GRM5: variants seen among roughly 807,000 people sequenced by gnomAD.
The protein encoded by GRM5 is metabotropic glutamate receptor 5.
A neutral mutation model predicts 83.1 loss-of-function variants in GRM5; 19 were observed. That is an observed-to-expected ratio of 0.23 (90% confidence interval 0.16 to 0.34). GRM5 has a LOEUF of 0.34. Among genes scored for constraint, GRM5 ranks in the 10% least tolerant of loss-of-function variants. The probability of loss-of-function intolerance (pLI) is 1.00; values close to 1 mark genes in which losing one functional copy is unlikely to be tolerated. For synonymous variants in GRM5, 675 were observed against 633.6 expected (o/e 1.07, Z -0.98); for missense variants, 1,160 against 1,588.3 (o/e 0.73, Z 4.58).
At chr11:89,046,838 C>T (rs752080010) in intron 2 of GRM5, among the ~76,000 whole-genome samples, 1 of 151,840 alleles carries the variant, frequency 6.6e-6, no homozygotes, top group Non-Finnish European at 1.5e-5. Context: ...ACAATAGGCA[C>T]CTAGAACAAT....
At chr11:88,679,330 AAC>A (rs139025158) in intron 3 of GRM5, among the ~76,000 whole-genome samples, 3,900 of 152,262 alleles carry the variant, frequency 0.026, 205 homozygotes, top group Admixed American at 0.14. Flanking sequence ...TAAGAAAAAG[AAC>A]ACAGAGAATA....
In GRM5 at chr11:88,900,114, G is replaced by A. The variant is rs187995731; in HGVS notation, c.662-49959C>T. ...GTACCCAGGTGGCATAAAAAATGAAGCAGAGACAGAAAATTAGATGTAGCT... is the reference window on the plus strand; with the variant it reads ...GTACCCAGGTGGCATAAAAAATGAAACAGAGACAGAAAATTAGATGTAGCT... On this transcript the variant is annotated intron_variant, in intron 2 of 9. Coordinates refer to ENST00000305447, the MANE Select transcript of GRM5 (RefSeq NM_001143831.3). Among the ~76,000 whole-genome samples the A allele has an allele frequency of 1.3e-3, 196 of 152,216 alleles. 4 individuals carry two copies. The East Asian group carries it at 0.031, about 24-fold the overall frequency.
intron 8 of GRM5, among the ~76,000 whole-genome samples, chr11:88,537,831 A>C (rs1185192762): frequency 6.6e-6 from 1 of 152,214 alleles, no homozygotes; most frequent in Non-Finnish European, 1.5e-5. Context: ...ACTGAGCATG[A>C]TTAATAGCTC....
chr11:88,969,875 T>A (rs1273021597), intron 2 of GRM5, among the ~76,000 whole-genome samples: 3 of 152,156 alleles, frequency 2.0e-5, no homozygotes, highest in South Asian at 2.1e-4. Context: ...TATAGTCATA[T>A]CAAGAAACTT....
intron 3 of GRM5, among the ~76,000 whole-genome samples, chr11:88,731,234 A>G (rs1229356326): frequency 2.0e-5 from 3 of 151,956 alleles, no homozygotes; most frequent in African/African-American, 7.2e-5. Context: ...TTCATAATTC[A>G]CCACTTCTAC....
At chr11:88,698,230 G>A (rs556715427) in intron 3 of GRM5, among the ~76,000 whole-genome samples, 157 of 152,182 alleles carry the variant, frequency 1.0e-3, no homozygotes, top group African/African-American at 2.9e-3. Context: ...CTATATGGTC[G>A]GGCCCTGCTT....
chr11:88,790,343 C>T (rs1234624623), intron 3 of GRM5, among the ~76,000 whole-genome samples: 7 of 152,136 alleles, frequency 4.6e-5, no homozygotes, highest in African/African-American at 1.4e-4. Context: ...TCCCATCAAA[C>T]TTTGACTTGA....
intron 4 of GRM5, among the ~76,000 whole-genome samples, chr11:88,651,350 C>T (rs571057797): frequency 7.4e-4 from 112 of 151,942 alleles, no homozygotes; most frequent in African/African-American, 2.7e-3. Context: ...TTAAATATAC[C>T]GGTTAGTGTT....
At chr11:88,784,178 G>A (rs541038531) in intron 3 of GRM5, among the ~76,000 whole-genome samples, 4 of 151,994 alleles carry the variant, frequency 2.6e-5, no homozygotes, top group South Asian at 2.1e-4. Flanking sequence ...AATAAAACAA[G>A]CATGTATCTT....
chr11:88,516,705 A>G (rs1941529198), intron 9 of GRM5, among the ~76,000 whole-genome samples: 1 of 133,752 alleles, frequency 7.5e-6, no homozygotes, highest in East Asian at 2.2e-4. Flanking sequence ...TTAAGAAGGA[A>G]GTTTCTTGAT....
intron 3 of GRM5, among the ~76,000 whole-genome samples, chr11:88,729,277 T>C (rs772031889): frequency 1.2e-4 from 18 of 151,968 alleles, no homozygotes; most frequent in Admixed American, 2.0e-4. Context: ...CCATTCACAG[T>C]TGCTACAAAG....
chr11:88,749,629 G>A (rs1942221521), intron 3 of GRM5, among the ~76,000 whole-genome samples: 1 of 152,028 alleles, frequency 6.6e-6, no homozygotes, highest in Admixed American at 6.6e-5. Flanking sequence ...TCAAGCCATA[G>A]ACACATAATC....
intron 3 of GRM5, among the ~76,000 whole-genome samples, chr11:88,662,888 A>T (rs2135320005): frequency 6.6e-6 from 1 of 152,348 alleles, no homozygotes; most frequent in Non-Finnish European, 1.5e-5. Context: ...AGATTCTTCC[A>T]GAAAGCCTCC....
At chr11:88,796,897 CACGTGTGT>C (rs1565235020) in intron 3 of GRM5, among the ~76,000 whole-genome samples, 2 of 65,190 alleles carry the variant, frequency 3.1e-5, no homozygotes, top group Admixed American at 2.1e-4. Flanking sequence ...CACACACACA[CACGTGTGT>C]GTGTGTGTGT....
intron 3 of GRM5, among the ~76,000 whole-genome samples, chr11:88,764,148 A>G (rs1432426254): frequency 6.6e-6 from 1 of 151,816 alleles, no homozygotes; most frequent in African/African-American, 2.4e-5. Flanking sequence ...TTGAGAAAAT[A>G]TGTTCAATAC....
At chr11:88,928,802 A>G (rs1256185272) in intron 2 of GRM5, among the ~76,000 whole-genome samples, 4 of 151,862 alleles carry the variant, frequency 2.6e-5, no homozygotes, top group Non-Finnish European at 4.4e-5. Flanking sequence ...ATACCAACAT[A>G]TTTTTAAAAT....
At chr11:88,676,354 C>A (rs989867420) in intron 3 of GRM5, among the ~76,000 whole-genome samples, 1 of 151,922 alleles carries the variant, frequency 6.6e-6, no homozygotes, top group Non-Finnish European at 1.5e-5. Context: ...CTATTATATG[C>A]CTATGCTATC....
intron 8 of GRM5, among the ~76,000 whole-genome samples, chr11:88,553,784 G>A (rs1942563317): frequency 6.6e-6 from 1 of 152,138 alleles, no homozygotes; most frequent in African/African-American, 2.4e-5. Flanking sequence ...GGTAGAACAT[G>A]CATGTTGGGG....
chr11:88,879,649 A>T (rs1316576607), intron 2 of GRM5, among the ~76,000 whole-genome samples: 3 of 151,968 alleles, frequency 2.0e-5, no homozygotes, highest in African/African-American at 7.2e-5. Context: ...ACCTTTCTGT[A>T]TTTATATGAG....
Sources: gnomAD v4.1 joint callset for allele counts (sites outside exome capture counted in the v4.1 genomes callset) on GRCh38, gnomAD v4.1.1 for gene constraint, MANE v1.5 for transcripts, NCBI Gene and HGNC (gene_info 2026-07-23, HGNC 2026-07-21) for gene names.